Variants in LINGO2 observed in about 807,000 individuals in gnomAD.
The protein encoded by LINGO2 is leucine rich repeat and Ig domain containing 2, also known as leucine-rich repeat and immunoglobulin-like domain-containing nogo receptor-interacting protein 2.
In LINGO2, 14 loss-of-function variants were observed where a neutral mutation model predicts 30.6. The observed-to-expected ratio is 0.46, with a 90% CI of 0.30 to 0.72. The LOEUF (loss-of-function observed/expected upper bound fraction) is 0.72, where lower values mean the gene tolerates loss of function less well. Among genes scored for constraint, LINGO2 ranks in the 30% least tolerant of loss-of-function variants. The pLI, the probability that LINGO2 is intolerant of heterozygous loss-of-function variation, is 0.07. For missense variants in LINGO2, 729 were observed against 751.7 expected (o/e 0.97, Z 0.35); for synonymous variants, 317 against 288.5 (o/e 1.10, Z -1.00).
chr9:28,465,355 C>T (rs897193155), intron 2 of LINGO2, among the ~76,000 whole-genome samples: 2 of 152,144 alleles, frequency 1.3e-5, no homozygotes, highest in Non-Finnish European at 2.9e-5. Flanking sequence ...CCTCTCTGAC[C>T]GTTGTCTCTG....
the LINGO2 span, among the ~76,000 whole-genome samples, chr9:28,960,060 C>G: frequency 6.6e-6 from 1 of 152,028 alleles, no homozygotes; most frequent in Non-Finnish European, 1.5e-5. Context: ...TATTCAGACT[C>G]AAAAGTAACA....
chr9:28,761,354 T>C, the LINGO2 span, among the ~76,000 whole-genome samples: 1 of 151,790 alleles, frequency 6.6e-6, no homozygotes, highest in Non-Finnish European at 1.5e-5. Context: ...TAAGAGCTAT[T>C]GAGCACCCAT....
At chr9:29,190,191 G>A in the LINGO2 span, among the ~76,000 whole-genome samples, 1 of 152,156 alleles carries the variant, frequency 6.6e-6, no homozygotes, top group African/African-American at 2.4e-5. Flanking sequence ...AGCAGTCAGT[G>A]TTGAATCATA....
At chr9:29,129,931 A>G in the LINGO2 span, among the ~76,000 whole-genome samples, 884 of 152,244 alleles carry the variant, frequency 5.8e-3, 8 homozygotes, top group African/African-American at 0.02. Flanking sequence ...CATGTTGGAT[A>G]TGGTCTGTGT....
chr9:28,407,559 TA>T (rs1822563451), intron 2 of LINGO2, among the ~76,000 whole-genome samples: 1 of 152,106 alleles, frequency 6.6e-6, no homozygotes, highest in Non-Finnish European at 1.5e-5. Context: ...GCACACAACT[TA>T]AGAAAGGAAG....
intron 4 of LINGO2, among the ~76,000 whole-genome samples, chr9:28,269,057 T>C (rs901713315): frequency 1.4e-4 from 22 of 152,242 alleles, no homozygotes; most frequent in Admixed American, 2.6e-4. Context: ...TCTCCTCTTA[T>C]AGCAAACTCT....
the LINGO2 span, among the ~76,000 whole-genome samples, chr9:28,957,511 T>C: frequency 0.12 from 18,062 of 152,208 alleles, 1,065 homozygotes; most frequent in South Asian, 0.15. Flanking sequence ...AACTTTATGA[T>C]TTTTGTTTGA....
the LINGO2 span, among the ~76,000 whole-genome samples, chr9:29,136,381 G>A: frequency 6.6e-6 from 1 of 151,848 alleles, no homozygotes; most frequent in African/African-American, 2.4e-5. Flanking sequence ...TAAAAATTTA[G>A]TTTAGAAATG....
the LINGO2 span, among the ~76,000 whole-genome samples, chr9:28,794,963 T>C: frequency 6.6e-6 from 1 of 151,992 alleles, no homozygotes; most frequent in African/African-American, 2.4e-5. Flanking sequence ...CCCGAGTAGC[T>C]GGGATTACAG....
intron 2 of LINGO2, among the ~76,000 whole-genome samples, chr9:28,453,874 T>G (rs1279701501): frequency 1.3e-5 from 2 of 151,872 alleles, no homozygotes; most frequent in African/African-American, 4.8e-5. Context: ...TTAAAAAAAA[T>G]CATTTGGATG....
chr9:28,238,626 C>G (rs1245694648), intron 4 of LINGO2, among the ~76,000 whole-genome samples: 1 of 151,906 alleles, frequency 6.6e-6, no homozygotes, highest in East Asian at 1.9e-4. Context: ...ATGCCAAAAC[C>G]TATGTGATAT....
At chr9:29,171,459 T>C in the LINGO2 span, among the ~76,000 whole-genome samples, 224 of 152,178 alleles carry the variant, frequency 1.5e-3, no homozygotes, top group African/African-American at 5.2e-3. Flanking sequence ...TGTTTGGGCA[T>C]CTTGGTATTT....
At chr9:28,735,033 T>C in the LINGO2 span, among the ~76,000 whole-genome samples, 2,578 of 152,308 alleles carry the variant, frequency 0.017, 60 homozygotes, top group African/African-American at 0.058. Context: ...ACACATAGGC[T>C]GGTTACAGTT....
chr9:28,286,576 T>C (rs1323890164), intron 4 of LINGO2, among the ~76,000 whole-genome samples: 1 of 152,086 alleles, frequency 6.6e-6, no homozygotes, highest in Non-Finnish European at 1.5e-5. Flanking sequence ...CCATCAATGA[T>C]AGACTGAGTA....
rs539587724 is a variant in LINGO2 at position 28,088,900 on chromosome 9, G to T, written c.-86-76495C>A. The stretch of plus-strand genomic sequence containing the variant: ...CCAAGCAAATGGAAAACAAAAAAAG[G>T]AAGGGGTTCCAATCCTAGTCTCTGA... On this transcript the variant is annotated intron_variant, in intron 4 of 5. Transcript: ENST00000379992. Among the ~76,000 whole-genome samples, 22 of 152,150 alleles carry T rather than the reference G, an allele frequency of 1.4e-4. No homozygotes were observed. In the East Asian group the frequency reaches 4.3e-3, roughly 29 times the overall value.
the LINGO2 span, among the ~76,000 whole-genome samples, chr9:28,762,421 C>G: frequency 6.6e-6 from 1 of 151,974 alleles, no homozygotes; most frequent in Non-Finnish European, 1.5e-5. Context: ...TTGTTTATCT[C>G]TGAATCAAGG....
At chr9:28,968,542 A>T in the LINGO2 span, among the ~76,000 whole-genome samples, 1 of 152,150 alleles carries the variant, frequency 6.6e-6, no homozygotes, top group Non-Finnish European at 1.5e-5. Context: ...ATAATGTTAC[A>T]CTTCACTTTT....
chr9:28,759,761 T>C, the LINGO2 span, among the ~76,000 whole-genome samples: 4 of 151,980 alleles, frequency 2.6e-5, no homozygotes, highest in African/African-American at 7.3e-5. Context: ...AAATAGCCCA[T>C]AGCCAAGAGG....
chr9:28,882,404 G>C, the LINGO2 span, among the ~76,000 whole-genome samples: 1 of 152,228 alleles, frequency 6.6e-6, no homozygotes, highest in East Asian at 1.9e-4. Flanking sequence ...CAGGATTATT[G>C]AGAAGTTTGG....
Sources: gnomAD v4.1 joint callset for allele counts (sites outside exome capture counted in the v4.1 genomes callset) on GRCh38, gnomAD v4.1.1 for gene constraint, MANE v1.5 for transcripts, NCBI Gene and HGNC (gene_info 2026-07-23, HGNC 2026-07-21) for gene names.